TMEM117: variants seen among roughly 807,000 people sequenced by gnomAD.
TMEM117 encodes the protein transmembrane protein 117.
A neutral mutation model predicts 52.4 loss-of-function variants in TMEM117; 27 were observed. The ratio of observed to expected loss-of-function variants is 0.51; its 90% CI spans 0.38 to 0.71. The LOEUF is 0.71. Ranked by LOEUF, TMEM117 falls within the 30% of genes least tolerant of loss-of-function variation. The pLI is 0.00. For missense variants in TMEM117, 556 were observed against 630.5 expected, an observed-to-expected ratio of 0.88 and a Z score of 1.26; for synonymous variants, 215 against 206.3, an observed-to-expected ratio of 1.04 and a Z score of -0.36.
chr12:44,226,887 T>C (rs55991202), intron 5 of TMEM117, among the ~76,000 whole-genome samples: 16,099 of 152,090 alleles, frequency 0.11, 938 homozygotes, highest in Middle Eastern at 0.19. Flanking sequence ...ATCTAGTCTG[T>C]GGTACTTTGT....
At chr12:43,806,577 G>A in the TMEM117 span, among the ~76,000 whole-genome samples, 1 of 152,104 alleles carries the variant, frequency 6.6e-6, no homozygotes, top group African/African-American at 2.4e-5. Context: ...TCTGCTCTCT[G>A]ACAACCCCGC....
At chr12:44,114,957 G>A (rs1948112043) in intron 3 of TMEM117, among the ~76,000 whole-genome samples, 2 of 152,046 alleles carry the variant, frequency 1.3e-5, no homozygotes, top group African/African-American at 2.4e-5. Context: ...CCAATTTACT[G>A]TAGAATATCT....
At chr12:44,247,244 A>G (rs1950142295) in intron 5 of TMEM117, among the ~76,000 whole-genome samples, 2 of 152,178 alleles carry the variant, frequency 1.3e-5, no homozygotes, top group Non-Finnish European at 2.9e-5. Flanking sequence ...CGAAGTCTGT[A>G]TGGTACTAAC....
chr12:43,831,054 A>AT (rs1308584776), upstream of TMEM117, among the ~76,000 whole-genome samples: 1 of 152,222 alleles, frequency 6.6e-6, no homozygotes, highest in Non-Finnish European at 1.5e-5. Flanking sequence ...CTCAATGAGA[A>AT]TGAACACTTG....
chr12:43,827,282 T>C, the TMEM117 span, among the ~76,000 whole-genome samples: 1 of 152,280 alleles, frequency 6.6e-6, no homozygotes, highest in East Asian at 1.9e-4. Flanking sequence ...ATGCATTTTG[T>C]ATTTACTGTC....
At chr12:43,820,085 G>A in the TMEM117 span, among the ~76,000 whole-genome samples, 1 of 152,158 alleles carries the variant, frequency 6.6e-6, no homozygotes, top group East Asian at 1.9e-4. Flanking sequence ...TTAACAGGGT[G>A]TAATTACAGG....
the TMEM117 span, among the ~76,000 whole-genome samples, chr12:43,796,528 C>T: frequency 1.3e-5 from 2 of 152,048 alleles, no homozygotes; most frequent in Non-Finnish European, 2.9e-5. Context: ...GACTCCCAAC[C>T]ATCCCATAAT....
chr12:44,318,717 C>T (rs1165637791), intron 6 of TMEM117, among the ~76,000 whole-genome samples: 2 of 151,992 alleles, frequency 1.3e-5, no homozygotes, highest in Non-Finnish European at 2.9e-5. Context: ...AAGGGTGGGG[C>T]AGCTCAGCCT....
chr12:43,885,534 AG>A (rs1473263606), intron 2 of TMEM117, among the ~76,000 whole-genome samples: 1 of 151,958 alleles, frequency 6.6e-6, no homozygotes, highest in African/African-American at 2.4e-5. Context: ...AGGGAAAAAA[AG>A]AACAGTATCT....
intron 5 of TMEM117, among the ~76,000 whole-genome samples, chr12:44,257,424 G>A (rs529942211): frequency 1.2e-4 from 18 of 152,170 alleles, no homozygotes; most frequent in Non-Finnish European, 2.1e-4. Flanking sequence ...TTGACACAAT[G>A]TCTAGTCCTT....
rs543454451 is a variant in TMEM117 at position 43,927,124 on chromosome 12, C to T, written c.278-17086C>T. ...GAAATGTAGTCTCTTGATAATGTTT[C>T]TTAATCTCCATTGGGATTTTTGTTT... On this transcript the variant is annotated intron_variant, in intron 2 of 7. Transcript: ENST00000266534. Among the ~76,000 whole-genome samples, 7 of 152,032 alleles carry T rather than the reference C, an allele frequency of 4.6e-5. No homozygotes were observed. The East Asian group carries it at 1.3e-3, about 29-fold the overall frequency.
intron 3 of TMEM117, among the ~76,000 whole-genome samples, chr12:44,036,425 CT>C (rs145813469): frequency 6.6e-6 from 1 of 152,018 alleles, no homozygotes. Flanking sequence ...AATTATTTGC[CT>C]TTTTTATCAG....
intron 2 of TMEM117, among the ~76,000 whole-genome samples, chr12:43,929,425 C>T (rs564363989): frequency 6.6e-6 from 1 of 152,108 alleles, no homozygotes; most frequent in African/African-American, 2.4e-5. Flanking sequence ...ATATTGCCAA[C>T]AATTTCCAAG....
intron 6 of TMEM117, among the ~76,000 whole-genome samples, chr12:44,333,290 A>G (rs1175934059): frequency 6.6e-6 from 1 of 152,050 alleles, no homozygotes; most frequent in Admixed American, 6.6e-5. Flanking sequence ...GGCCCTGGGC[A>G]TAAAATGTGG....
chr12:43,937,468 G>T (rs1187658744), intron 2 of TMEM117, among the ~76,000 whole-genome samples: 1 of 152,182 alleles, frequency 6.6e-6, no homozygotes, highest in Non-Finnish European at 1.5e-5. Context: ...GTACATCAGA[G>T]TTGGGTGTTT....
intron 3 of TMEM117, among the ~76,000 whole-genome samples, chr12:44,083,959 A>G (rs1476232543): frequency 6.6e-6 from 1 of 152,192 alleles, no homozygotes; most frequent in African/African-American, 2.4e-5. Flanking sequence ...TAAAAATACA[A>G]CAAAAAACAC....
chr12:43,814,023 T>A, the TMEM117 span, among the ~76,000 whole-genome samples: 8 of 152,102 alleles, frequency 5.3e-5, no homozygotes, highest in Non-Finnish European at 1.2e-4. Flanking sequence ...AGCTTAGATG[T>A]TTATAATGGA....
downstream of TMEM117, among the ~76,000 whole-genome samples, chr12:44,394,383 C>A (rs1249598907): frequency 6.6e-6 from 1 of 152,188 alleles, no homozygotes; most frequent in Non-Finnish European, 1.5e-5. Flanking sequence ...TTCAACAGAA[C>A]CCCCTTGGCT....
the TMEM117 span, among the ~76,000 whole-genome samples, chr12:43,819,896 G>C: frequency 1.3e-5 from 2 of 152,136 alleles, no homozygotes; most frequent in African/African-American, 4.8e-5. Flanking sequence ...TTCTACAAAA[G>C]AGTTGTATTT....
Sources: allele counts gnomAD v4.1 joint callset (sites outside exome capture counted in the v4.1 genomes callset), GRCh38; gene constraint gnomAD v4.1.1; transcripts MANE v1.5; gene names NCBI Gene and HGNC (gene_info 2026-07-23, HGNC 2026-07-21).